Variants in MYADM observed in about 807,000 individuals in gnomAD.
MYADM encodes the protein myeloid-associated differentiation marker.
For missense variants in MYADM, 416 were observed against 443.4 expected, an observed-to-expected ratio of 0.94 and a Z score of 0.56; for synonymous variants, 224 against 210.2, an observed-to-expected ratio of 1.07 and a Z score of -0.57.
upstream of MYADM, chr19:53,866,348 G>C (rs2068244716): frequency 6.6e-6 from 1 of 152,170 alleles, no homozygotes; most frequent in South Asian, 2.1e-4. The surrounding 1 kb of genome is among the most constrained non-coding windows in gnomAD (Gnocchi z 4.3). Flanking sequence ...CTGAGCATCC[G>C]CAGCCGCCAC....
Position 53,873,982 on chromosome 19 carries a change from C to T in MYADM, c.453C>T (p.Tyr151=), listed in dbSNP as rs376434685. The T allele has an allele frequency of 4.9e-5, 79 of 1,609,178 alleles. No individual in the cohort carries two copies. Among genetic ancestry groups the T allele is most frequent in the African/African-American group, 8.0e-5 (6 of 74,948 alleles). The change falls in exon 3 of 3, where the codon TAC becomes TAT. Residue 151 remains tyrosine (Y), a synonymous_variant. Transcript: ENST00000391770. This position sits in a 1 kb window ranked among gnomAD's most constrained non-coding sequence, Gnocchi z 4.3. ...TFFSCIACVA[Y]ATEVAWTRAR... is the part of the protein sequence containing the mutation. ...TCTCCTGCATCGCGTGTGTGGCTTA[C>T]GCCACCGAAGTGGCCTGGACCCGGG...
At chr19:53,866,883 C>T (rs1568726685), upstream of MYADM, among the ~76,000 whole-genome samples, 1 of 152,154 alleles carries the variant, frequency 6.6e-6, no homozygotes, top group Non-Finnish European at 1.5e-5. The surrounding 1 kb of genome is among the most constrained non-coding windows in gnomAD (Gnocchi z 4.3). Context: ...AGGCTGGTCT[C>T]GAACTCCTGG....
rs2122945424 is a variant in MYADM at position 53,874,290 on chromosome 19, C to T, written c.761C>T (p.Ala254Val). 2 of 1,610,316 alleles carry T rather than the reference C, an allele frequency of 1.2e-6. No homozygotes were observed. The highest frequency in any genetic ancestry group is 1.7e-6 in the Non-Finnish European group (2 of 1,177,220). Reference protein sequence around the residue: ...ALLSVLLYATALVLWPLYQFD... With the variant: ...ALLSVLLYATVLVLWPLYQFD... ...CTGTCTGTCCTCCTCTATGCCACCG[C>T]CCTTGTTCTCTGGCCCCTCTACCAG... Residue 254 changes from alanine (A) to valine (V), a missense_variant, in exon 3 of 3, where the codon GCC becomes GTC. By Grantham distance (64) the Ala-to-Val change is moderately conservative (BLOSUM62 0). Transcript: ENST00000391770.
chr19:53,871,037 C>T (rs187681075), intron 2 of MYADM, among the ~76,000 whole-genome samples: 10 of 152,238 alleles, frequency 6.6e-5, no homozygotes, highest in African/African-American at 2.2e-4. Context: ...TTGAGACCAG[C>T]CTGGCCAACA....
chr19:53,872,151 G>A (rs1210754328), intron 2 of MYADM, among the ~76,000 whole-genome samples: 3 of 152,000 alleles, frequency 2.0e-5, no homozygotes, highest in Admixed American at 6.6e-5. Flanking sequence ...TGCCAGCCTC[G>A]GCTTCCGAAA....
upstream of MYADM, chr19:53,866,117 T>C: frequency 6.6e-6 from 1 of 152,514 alleles, no homozygotes; most frequent in Non-Finnish European, 1.5e-5. The surrounding 1 kb of genome is among the most constrained non-coding windows in gnomAD (Gnocchi z 4.3). Flanking sequence ...ACCCCCGCCT[T>C]CCTGCAGGTC....
intron 2 of MYADM, among the ~76,000 whole-genome samples, chr19:53,872,158 G>A (rs945589103): frequency 1.3e-5 from 2 of 151,944 alleles, no homozygotes; most frequent in Non-Finnish European, 2.9e-5. Context: ...CTCGGCTTCC[G>A]AAAGTGCTGG....
At chr19:53,866,509 C>T (rs2068247481), upstream of MYADM, 1 of 152,326 alleles carries the variant, frequency 6.6e-6, no homozygotes, top group African/African-American at 2.4e-5. This position sits in a 1 kb window ranked among gnomAD's most constrained non-coding sequence, Gnocchi z 4.3. Context: ...CCTCAGCTCC[C>T]TCTTTTTCTT....
chr19:53,874,502 T>C lies in MYADM; in HGVS notation c.*4T>C. 1.3e-6 allele frequency: 2 copies of C among 1,584,536 alleles called. No individual in the cohort carries two copies. The highest frequency in any genetic ancestry group is 1.7e-6 in the Non-Finnish European group (2 of 1,164,872). On this transcript the variant is annotated 3_prime_UTR_variant, in exon 3 of 3. Coordinates refer to ENST00000391770, the MANE Select transcript of MYADM (RefSeq NM_138373.5). ...CCTGGTTTTTGTCAAGGTCTAAGAC[T>C]CTCCCAAGAGGCTCCCGTTCCCTCT...
intron 1 of MYADM, chr19:53,869,489 C>G (rs978581709): frequency 1.3e-5 from 2 of 152,780 alleles, no homozygotes; most frequent in African/African-American, 2.4e-5. Flanking sequence ...AGGGTTCTCC[C>G]GCCACTGCCG....
rs756954605 is a variant in MYADM at position 53,875,541 on chromosome 19, GA to G, written c.*1058del. 1,224 of 126,136 alleles carry G rather than the reference GA, an allele frequency of 9.7e-3. 12 individuals carry two copies. Among genetic ancestry groups the G allele is most frequent in the Middle Eastern group, 4.5e-3 (1 of 224 alleles). The allele number at this position is 126,136 out of a possible 1,614,324, so 7.8% of individuals were successfully genotyped here. On this transcript the variant is annotated 3_prime_UTR_variant, in exon 3 of 3. Coordinates refer to ENST00000391770, the MANE Select transcript of MYADM (RefSeq NM_138373.5). ...CAACTATTCTCTGTGGTATCAAAAA[GA>G]AAAAAAAAAAAAAAGAAGGAGTCGG... is the stretch of plus-strand genomic sequence containing the variant.
At position 53,873,954 on chromosome 19, in the gene MYADM, T is replaced by C. The variant is rs573155428; in HGVS notation, c.425T>C (p.Phe142Ser). Reference protein sequence around the residue: ...RSRDHAIAATFFSCIACVAYA... With the variant: ...RSRDHAIAATSFSCIACVAYA... ...CGGGACCACGCCATCGCCGCCACCTTCTTCTCCTGCATCGCGTGTGTGGCT... is the reference window on the plus strand; with the variant it reads ...CGGGACCACGCCATCGCCGCCACCTCCTTCTCCTGCATCGCGTGTGTGGCT... Residue 142 changes from phenylalanine (F) to serine (S), a missense_variant, in exon 3 of 3, where the codon TTC (phenylalanine) becomes TCC (serine). Transcript: ENST00000391770. The surrounding 1 kb of genome is among the most constrained non-coding windows in gnomAD (Gnocchi z 4.3). The C allele has an allele frequency of 4.5e-5, 72 of 1,610,712 alleles. No homozygotes were observed. In the South Asian group the frequency reaches 7.5e-4, roughly 17 times the overall value.
Position 53,874,957 on chromosome 19 carries a change from C to T in MYADM, c.*459C>T, listed in dbSNP as rs1441988962. ...CACCCAGCCTGTTTCTCTTTTTCCA[C>T]TCTTCTTTTTTCTCATCTCTTTTCT... On this transcript the variant is annotated 3_prime_UTR_variant, in exon 3 of 3. Coordinates refer to ENST00000391770, the MANE Select transcript of MYADM (RefSeq NM_138373.5). 1 of 167,216 alleles carries T rather than the reference C, an allele frequency of 6.0e-6. No individual in the cohort carries two copies. The highest frequency in any genetic ancestry group is 2.4e-5 in the African/African-American group (1 of 41,352). 10.4% of individuals were successfully genotyped at this position (167,216 alleles called of 1,614,324 possible).
chr19:53,875,162 T>C lies in MYADM; in HGVS notation c.*664T>C, dbSNP rs2068502638. ...CCCAAGGGGCCCCATTGCCAAAGCA[T>C]GCCTGCCCACCCTCGCTGTGCCTTA... On this transcript the variant is annotated 3_prime_UTR_variant, in exon 3 of 3. Coordinates refer to ENST00000391770, the MANE Select transcript of MYADM (RefSeq NM_138373.5). 1 of 154,600 alleles carries C rather than the reference T, an allele frequency of 6.5e-6. No individual in the cohort carries two copies. Among genetic ancestry groups the C allele is most frequent in the Non-Finnish European group, 1.5e-5 (1 of 64,672 alleles). 9.6% of individuals were successfully genotyped at this position (154,600 alleles called of 1,614,324 possible).
chr19:53,874,585 C>T lies in MYADM; in HGVS notation c.*87C>T, dbSNP rs2068483921. 2.1e-6 allele frequency: 3 copies of T among 1,449,414 alleles called. No homozygotes were observed. Among genetic ancestry groups the T allele is most frequent in the Non-Finnish European group, 2.8e-6 (3 of 1,086,666 alleles). 89.8% of individuals were successfully genotyped at this position (1,449,414 alleles called of 1,614,324 possible). A position where few individuals can be genotyped will look rare whatever the true frequency, so the allele number is the denominator to read the frequency against. ...TTTATGGAGTACTTCTTTCCTCCGC[C>T]TTTCCTCTGTTTTCCTCTTCCTGTC... On this transcript the variant is annotated 3_prime_UTR_variant, in exon 3 of 3. Transcript: ENST00000391770.
In MYADM at chr19:53,873,844, C is replaced by A. The variant is rs763468606; in HGVS notation, c.315C>A (p.Phe105Leu). 1 of 1,613,660 alleles carries A rather than the reference C, an allele frequency of 6.2e-7. No individual in the cohort carries two copies. Among genetic ancestry groups the A allele is most frequent in the South Asian group, 1.1e-5 (1 of 91,086 alleles). The change falls in exon 3 of 3, where the codon TTC becomes TTA. Residue 105 changes from phenylalanine (F) to leucine (L), a missense_variant. Transcript: ENST00000391770. This position sits in a 1 kb window ranked among gnomAD's most constrained non-coding sequence, Gnocchi z 4.3. ...PLSWRNFPIT[F>L]ACYAALFCLS... ...CTTGGCGCAACTTCCCCATCACCTTCGCCTGCTATGCGGCCCTCTTCTGCC... is the reference window on the plus strand; with the variant it reads ...CTTGGCGCAACTTCCCCATCACCTTAGCCTGCTATGCGGCCCTCTTCTGCC...
In MYADM at chr19:53,876,414, T is replaced by C. The variant is rs2068539719; in HGVS notation, c.*1916T>C. The C allele has an allele frequency of 6.0e-6, 1 of 166,060 alleles. No homozygotes were observed. The highest frequency in any genetic ancestry group is 1.5e-5 in the Non-Finnish European group (1 of 68,114). 10.3% of individuals were successfully genotyped at this position (166,060 alleles called of 1,614,324 possible). On this transcript the variant is annotated 3_prime_UTR_variant, in exon 3 of 3. Coordinates refer to ENST00000391770, the MANE Select transcript of MYADM (RefSeq NM_138373.5). ...TCCATCATGTTCTTTTTCTTTTAAA[T>C]ATCAATATAAAGGTAAAAGAAGGAC...
upstream of MYADM, among the ~76,000 whole-genome samples, chr19:53,867,522 A>T (rs931914292): frequency 1.1e-4 from 17 of 151,892 alleles, no homozygotes; most frequent in Admixed American, 2.6e-4. Context: ...AACCCTAAAC[A>T]TGCGGGGTTT....
At chr19:53,867,842 C>T (rs1372473181), upstream of MYADM, 1 of 152,552 alleles carries the variant, frequency 6.6e-6, no homozygotes, top group Non-Finnish European at 1.5e-5. Flanking sequence ...CCCCGTCCCG[C>T]CCGCGCTGGC....
Sources: gnomAD v4.1 joint callset for allele counts (sites outside exome capture counted in the v4.1 genomes callset) on GRCh38, gnomAD v4.1.1 for gene constraint, Gnocchi (gnomAD v3.1) non-coding constraint, MANE v1.5 for transcripts, NCBI Gene and HGNC (gene_info 2026-07-23, HGNC 2026-07-21) for gene names.